GPM6A: variants seen among roughly 807,000 people sequenced by gnomAD.
The protein encoded by GPM6A is neuronal membrane glycoprotein M6-a.
Under a neutral mutation model 32.1 loss-of-function variants are expected in GPM6A, and 7 were observed. The observed-to-expected ratio is 0.22, with a 90% CI of 0.12 to 0.41. The LOEUF (loss-of-function observed/expected upper bound fraction) is 0.41, where lower values mean the gene tolerates loss of function less well. Ranked by LOEUF, GPM6A falls within the 10% of genes least tolerant of loss-of-function variation. The pLI is 1.00. For synonymous variants in GPM6A, 130 were observed against 123.4 expected, an observed-to-expected ratio of 1.05 and a Z score of -0.35; for missense variants, 235 against 347.2, an observed-to-expected ratio of 0.68 and a Z score of 2.57.
intron 1 of GPM6A, among the ~76,000 whole-genome samples, chr4:175,929,649 A>G (rs998815582): frequency 2.6e-5 from 4 of 152,156 alleles, no homozygotes; most frequent in Non-Finnish European, 4.4e-5. Context: ...GAATGAGATC[A>G]TGCTGTTATG....
intron 5 of GPM6A, among the ~76,000 whole-genome samples, chr4:175,640,519 A>G (rs1741080994): frequency 6.6e-6 from 1 of 152,206 alleles, no homozygotes; most frequent in Non-Finnish European, 1.5e-5. Flanking sequence ...TTCAGCCTTC[A>G]TTAAAATGAG....
intron 1 of GPM6A, among the ~76,000 whole-genome samples, chr4:175,890,746 G>A (rs1229022944): frequency 6.6e-6 from 1 of 151,806 alleles, no homozygotes; most frequent in Non-Finnish European, 1.5e-5. Context: ...TGTAGAGATG[G>A]GGTCTTGCTG....
At chr4:176,001,352 C>G (rs1258028668) in intron 1 of GPM6A, among the ~76,000 whole-genome samples, 5 of 152,158 alleles carry the variant, frequency 3.3e-5, no homozygotes, top group African/African-American at 4.8e-5. Flanking sequence ...AGTCGGCAAC[C>G]GCGGAAGAGC....
chr4:175,876,604 A>T (rs1737091785), intron 1 of GPM6A, among the ~76,000 whole-genome samples: 3 of 152,100 alleles, frequency 2.0e-5, no homozygotes, highest in African/African-American at 7.2e-5. Context: ...GCAATTTAAG[A>T]CATTTGAAAA....
At chr4:175,698,875 T>TC (rs1390280685) in intron 2 of GPM6A, among the ~76,000 whole-genome samples, 1 of 152,152 alleles carries the variant, frequency 6.6e-6, no homozygotes, top group African/African-American at 2.4e-5. Flanking sequence ...TCTTCTAAAC[T>TC]CCCCTCACCC....
At chr4:175,876,499 T>A (rs1163806354) in intron 1 of GPM6A, among the ~76,000 whole-genome samples, 1 of 152,214 alleles carries the variant, frequency 6.6e-6, no homozygotes, top group Non-Finnish European at 1.5e-5. Flanking sequence ...CAGTTTTTAC[T>A]TCTGTTTTTG....
intron 1 of GPM6A, among the ~76,000 whole-genome samples, chr4:175,992,085 C>G (rs1410193171): frequency 1.3e-5 from 2 of 151,824 alleles, no homozygotes; most frequent in East Asian, 3.9e-4. Context: ...CACACACACA[C>G]ACACACAGAG....
At chr4:175,908,062 A>G (rs1172115444) in intron 1 of GPM6A, among the ~76,000 whole-genome samples, 4 of 152,308 alleles carry the variant, frequency 2.6e-5, no homozygotes, top group Non-Finnish European at 5.9e-5. Flanking sequence ...GCAGAGAAAA[A>G]CAGTAAATGT....
chr4:175,733,005 G>C (rs1169158635), intron 1 of GPM6A, among the ~76,000 whole-genome samples: 2 of 152,160 alleles, frequency 1.3e-5, no homozygotes, highest in Non-Finnish European at 2.9e-5. Context: ...CAACCACCGA[G>C]TGTGGGACCC....
intron 2 of GPM6A, among the ~76,000 whole-genome samples, chr4:175,690,849 C>A (rs1239027881): frequency 6.6e-6 from 1 of 152,186 alleles, no homozygotes; most frequent in Non-Finnish European, 1.5e-5. Flanking sequence ...GGGCCATTAT[C>A]AGCCTGTCAC....
chr4:175,966,632 C>T (rs1176201302), intron 1 of GPM6A, among the ~76,000 whole-genome samples: 1 of 151,636 alleles, frequency 6.6e-6, no homozygotes, highest in Non-Finnish European at 1.5e-5. Flanking sequence ...GAAGACCACC[C>T]TCTCTAAATG....
At chr4:175,695,035 G>T (rs1437049653) in intron 2 of GPM6A, among the ~76,000 whole-genome samples, 1 of 152,192 alleles carries the variant, frequency 6.6e-6, no homozygotes, top group Non-Finnish European at 1.5e-5. Flanking sequence ...ATAAGCCTTG[G>T]CAGCTTTCCT....
At chr4:175,748,525 T>C (rs1050269488) in intron 1 of GPM6A, among the ~76,000 whole-genome samples, 3 of 152,316 alleles carry the variant, frequency 2.0e-5, no homozygotes, top group Middle Eastern at 3.4e-3. Flanking sequence ...CATTTTTTTC[T>C]GAGCAGTAGG....
At chr4:175,781,657 T>G (rs774450743) in intron 1 of GPM6A, among the ~76,000 whole-genome samples, 6 of 152,216 alleles carry the variant, frequency 3.9e-5, no homozygotes, top group Non-Finnish European at 5.9e-5. Context: ...AGTGTCTCTA[T>G]GCAGATTATT....
At chr4:175,801,642 C>A (rs1369487798) in intron 1 of GPM6A, among the ~76,000 whole-genome samples, 1 of 152,022 alleles carries the variant, frequency 6.6e-6, no homozygotes, top group Non-Finnish European at 1.5e-5. Flanking sequence ...TAAATAAATA[C>A]ACTATGTTTT....
intron 6 of GPM6A, among the ~76,000 whole-genome samples, chr4:175,637,299 A>ATATAATATATAT (rs1740744546): frequency 2.5e-5 from 1 of 39,592 alleles, no homozygotes; most frequent in Non-Finnish European, 4.8e-5. Flanking sequence ...AATATATATT[A>ATATAATATATAT]TATATTATAT....
At chr4:175,923,954 C>T (rs1277188044) in intron 1 of GPM6A, among the ~76,000 whole-genome samples, 1 of 152,134 alleles carries the variant, frequency 6.6e-6, no homozygotes, top group African/African-American at 2.4e-5. Flanking sequence ...GGTCATCATT[C>T]CTGATTTGCC....
chr4:175,941,067 C>T (rs1279792923), intron 1 of GPM6A, among the ~76,000 whole-genome samples: 2 of 152,130 alleles, frequency 1.3e-5, no homozygotes, highest in East Asian at 1.9e-4. Context: ...TTAAGAAATA[C>T]TGTTTTTTAC....
rs539279228 is a variant in GPM6A at position 175,736,044 on chromosome 4, G to C, written c.38-34277C>G. ...TATTTTTATTTATTTACATTTTTTA[G>C]AAACAGGATCTCACTCTATTGCCCA... On this transcript the variant is annotated intron_variant, in intron 1 of 6. Coordinates refer to ENST00000393658, the MANE Select transcript of GPM6A (RefSeq NM_201591.3). Among the ~76,000 whole-genome samples, 24 of 152,124 alleles carry C rather than the reference G, an allele frequency of 1.6e-4. No homozygotes were observed. In the East Asian group the frequency reaches 4.6e-3, roughly 29 times the overall value.
Sources: allele counts gnomAD v4.1 joint callset (sites outside exome capture counted in the v4.1 genomes callset), GRCh38; gene constraint gnomAD v4.1.1; transcripts MANE v1.5; gene names NCBI Gene and HGNC (gene_info 2026-07-23, HGNC 2026-07-21).